NEGR1: variants seen among roughly 807,000 people sequenced by gnomAD.
NEGR1 encodes IgLON family member 4.
NEGR1 carries 10 observed loss-of-function variants against 40.9 expected under a neutral mutation model. The observed-to-expected ratio is 0.24, with a 90% CI of 0.15 to 0.42. NEGR1 has a LOEUF of 0.42. Ranked by LOEUF, NEGR1 falls within the 10% of genes least tolerant of loss-of-function variation. NEGR1 has a pLI of 1.00. For missense variants in NEGR1, 352 were observed against 438.9 expected, an observed-to-expected ratio of 0.80 and a Z score of 1.77; for synonymous variants, 185 against 166.8, an observed-to-expected ratio of 1.11 and a Z score of -0.84.
chr1:71,791,507 A>T (rs1657117449), intron 2 of NEGR1, among the ~76,000 whole-genome samples: 1 of 152,072 alleles, frequency 6.6e-6, no homozygotes, highest in Non-Finnish European at 1.5e-5. Flanking sequence ...AAAAATATTT[A>T]TCAGTAGCCT....
chr1:72,236,627 T>C (rs897486798), intron 1 of NEGR1, among the ~76,000 whole-genome samples: 1 of 151,982 alleles, frequency 6.6e-6, no homozygotes, highest in Non-Finnish European at 1.5e-5. Context: ...GGCTATTTCT[T>C]ATTGTAAAGG....
chr1:71,993,835 A>T (rs972673297), intron 1 of NEGR1, among the ~76,000 whole-genome samples: 2 of 152,140 alleles, frequency 1.3e-5, no homozygotes, highest in African/African-American at 4.8e-5. Flanking sequence ...CTCCAATGTG[A>T]TCATCTTAAC....
chr1:71,555,250 C>A (rs926263892), intron 6 of NEGR1, among the ~76,000 whole-genome samples: 4 of 7,744 alleles, frequency 5.2e-4, no homozygotes, highest in African/African-American at 8.3e-4. Context: ...GTAAGTATTC[C>A]TTTCATACCA....
intron 3 of NEGR1, among the ~76,000 whole-genome samples, chr1:71,722,097 T>C (rs537215654): frequency 2.7e-4 from 41 of 152,212 alleles, no homozygotes; most frequent in Admixed American, 1.6e-3. Flanking sequence ...TTAAGTGCTA[T>C]TATCTGGTTG....
At chr1:72,234,572 C>A (rs1411380626) in intron 1 of NEGR1, among the ~76,000 whole-genome samples, 1 of 151,762 alleles carries the variant, frequency 6.6e-6, no homozygotes, top group Non-Finnish European at 1.5e-5. Flanking sequence ...GGAACTTAAA[C>A]AAATTGACAA....
At chr1:71,992,050 C>G (rs1176311880) in intron 1 of NEGR1, among the ~76,000 whole-genome samples, 1 of 152,062 alleles carries the variant, frequency 6.6e-6, no homozygotes, top group East Asian at 1.9e-4. Flanking sequence ...CCTCCTTGGC[C>G]TCCCAAAGTG....
chr1:71,899,125 C>G (rs1354853342), intron 2 of NEGR1, among the ~76,000 whole-genome samples: 1 of 150,418 alleles, frequency 6.6e-6, no homozygotes, highest in Non-Finnish European at 1.5e-5. Context: ...ACTTTTGCAA[C>G]TTCTTTCAGA....
intron 1 of NEGR1, among the ~76,000 whole-genome samples, chr1:71,955,211 GAAAT>G (rs1345723422): frequency 6.6e-6 from 1 of 152,012 alleles, no homozygotes; most frequent in Non-Finnish European, 1.5e-5. Flanking sequence ...ATGAGTCCAG[GAAAT>G]AAATAATATA....
chr1:71,826,959 T>G (rs1444311687), intron 2 of NEGR1, among the ~76,000 whole-genome samples: 1 of 151,820 alleles, frequency 6.6e-6, no homozygotes, highest in Non-Finnish European at 1.5e-5. Flanking sequence ...TCAACATTTC[T>G]CTAGTGAAGA....
At position 71,575,433 on chromosome 1, in the gene NEGR1, A is replaced by G. The variant is rs1197996544; in HGVS notation, c.940+17384T>C. On this transcript the variant is annotated intron_variant, in intron 6 of 6. Coordinates refer to ENST00000357731, the MANE Select transcript of NEGR1 (RefSeq NM_173808.3). The stretch of plus-strand genomic sequence containing the variant: ...AGCTGCTGTTTGGTTGAGAGAAAAC[A>G]AAGAGGATAGTAAGTGAGGCATTGG... Among the ~76,000 whole-genome samples the G allele has an allele frequency of 1.3e-5, 2 of 152,200 alleles. 1 individual carries two copies. Among genetic ancestry groups the G allele is most frequent in the East Asian group, 3.9e-4 (2 of 5,186 alleles).
chr1:72,194,882 A>C (rs1457374468), intron 1 of NEGR1, among the ~76,000 whole-genome samples: 1 of 152,072 alleles, frequency 6.6e-6, no homozygotes, highest in Non-Finnish European at 1.5e-5. Context: ...AGGCCATGCA[A>C]GATGGGTTTC....
In NEGR1 at chr1:72,280,789, A is replaced by G. The variant is rs772743762; in HGVS notation, c.176+1530T>C. Among the ~76,000 whole-genome samples the G allele has an allele frequency of 2.0e-5, 3 of 152,288 alleles. No individual in the cohort carries two copies. The South Asian group carries it at 6.2e-4, about 32-fold the overall frequency. ...CACACCCACATCATTAAATTTAAAT[A>G]TGTTGCATGTTTCAAACAGAAACAT... On this transcript the variant is annotated intron_variant, in intron 1 of 6. Coordinates refer to ENST00000357731, the MANE Select transcript of NEGR1 (RefSeq NM_173808.3).
At chr1:72,187,216 C>G (rs1351042783) in intron 1 of NEGR1, among the ~76,000 whole-genome samples, 1 of 151,350 alleles carries the variant, frequency 6.6e-6, no homozygotes, top group Non-Finnish European at 1.5e-5. Context: ...TATTTCTTCC[C>G]TCTATAAAGC....
intron 1 of NEGR1, among the ~76,000 whole-genome samples, chr1:72,149,256 G>A (rs1031280129): frequency 4.6e-5 from 7 of 152,058 alleles, no homozygotes; most frequent in Admixed American, 6.6e-5. Context: ...TCACTATCAC[G>A]AGAATAGTAT....
At chr1:71,546,848 C>A (rs1162722781) in intron 6 of NEGR1, among the ~76,000 whole-genome samples, 1 of 151,596 alleles carries the variant, frequency 6.6e-6, no homozygotes, top group African/African-American at 2.4e-5. Context: ...GGAACAAGAA[C>A]AATGTAGGTT....
chr1:71,796,826 CAA>C (rs1657345751), intron 2 of NEGR1, among the ~76,000 whole-genome samples: 1 of 152,072 alleles, frequency 6.6e-6, no homozygotes, highest in African/African-American at 2.4e-5. Context: ...TAAGGGGACA[CAA>C]ATTCACTTCC....
chr1:71,494,258 G>A (rs1478127513), intron 6 of NEGR1, among the ~76,000 whole-genome samples: 1 of 152,174 alleles, frequency 6.6e-6, no homozygotes, highest in East Asian at 1.9e-4. Context: ...AGTAAAGGTT[G>A]CCTGACTTTT....
At chr1:71,440,900 G>A (rs1646542527) in intron 6 of NEGR1, among the ~76,000 whole-genome samples, 1 of 152,154 alleles carries the variant, frequency 6.6e-6, no homozygotes. Flanking sequence ...ATTTTAGAAA[G>A]ATTTTGAATA....
intron 2 of NEGR1, among the ~76,000 whole-genome samples, chr1:71,888,202 T>C (rs1660784072): frequency 6.6e-6 from 1 of 151,712 alleles, no homozygotes; most frequent in Admixed American, 6.6e-5. Flanking sequence ...AATGGAGAAG[T>C]CGGGGGAGGA....
Sources: allele counts gnomAD v4.1 joint callset (sites outside exome capture counted in the v4.1 genomes callset), GRCh38; gene constraint gnomAD v4.1.1; transcripts MANE v1.5; gene names NCBI Gene and HGNC (gene_info 2026-07-23, HGNC 2026-07-21).